PLGRKT: variants seen among roughly 807,000 people sequenced by gnomAD.
PLGRKT encodes the protein plasminogen receptor with a C-terminal lysine, also known as plasminogen receptor (KT).
A neutral mutation model predicts 18.5 loss-of-function variants in PLGRKT; 22 were observed. The ratio of observed to expected loss-of-function variants is 1.19; its 90% CI spans 0.85 to 1.70. PLGRKT has a LOEUF of 1.70. PLGRKT is among the 40% of genes most tolerant of loss of function. PLGRKT has a pLI of 0.00. For missense variants in PLGRKT, 235 were observed against 174.4 expected (o/e 1.35, Z -1.96); for synonymous variants, 72 against 52.8 (o/e 1.36, Z -1.58).
chr9:5,375,130 T>C (rs988075667), intron 3 of PLGRKT, among the ~76,000 whole-genome samples: 7 of 152,216 alleles, frequency 4.6e-5, no homozygotes, highest in African/African-American at 1.7e-4. Flanking sequence ...AATTCTATAC[T>C]ATAAAACTTT....
chr9:5,401,030 A>G (rs1818143991), intron 3 of PLGRKT, among the ~76,000 whole-genome samples: 1 of 151,922 alleles, frequency 6.6e-6, no homozygotes, highest in Non-Finnish European at 1.5e-5. Context: ...TAAAAATAAA[A>G]ACATAATATT....
chr9:5,403,439 G>C (rs1261685892), intron 3 of PLGRKT, among the ~76,000 whole-genome samples: 1 of 152,040 alleles, frequency 6.6e-6, no homozygotes, highest in African/African-American at 2.4e-5. Context: ...TAGCCAGGCT[G>C]GTCTCGAACT....
rs990096708 is a variant in PLGRKT at position 5,420,674 on chromosome 9, C to T, written c.81+11223G>A. ...TCTAGTCTCTGGGCCAACTCCCACT[C>T]ACTACCTGGTCTTTCTCCCTACAAA... On this transcript the variant is annotated intron_variant, in intron 3 of 5. Transcript: ENST00000223864. Among the ~76,000 whole-genome samples, 3 of 152,322 alleles carry T rather than the reference C, an allele frequency of 2.0e-5. No homozygotes were observed. In the East Asian group the frequency reaches 5.8e-4, roughly 29 times the overall value.
At chr9:5,424,438 A>AAAAATAT (rs1554634087) in intron 3 of PLGRKT, among the ~76,000 whole-genome samples, 1 of 118,858 alleles carries the variant, frequency 8.4e-6, no homozygotes, top group African/African-American at 3.3e-5. Context: ...ACATATTATA[A>AAAAATAT]AATATATTAT....
intron 3 of PLGRKT, among the ~76,000 whole-genome samples, chr9:5,387,486 A>G (rs146818225): frequency 5.3e-5 from 8 of 152,084 alleles, no homozygotes; most frequent in Non-Finnish European, 8.8e-5. Context: ...TATTACTTCT[A>G]CAAGCAACAA....
intron 4 of PLGRKT, among the ~76,000 whole-genome samples, 164 bp from the exon 5 acceptor site, chr9:5,361,351 A>G (rs1372738877): frequency 6.6e-6 from 1 of 152,184 alleles, no homozygotes; most frequent in Non-Finnish European, 1.5e-5. Context: ...TTCCTTACCC[A>G]ATACCCCTAA....
chr9:5,380,117 C>T (rs913532120), intron 3 of PLGRKT, among the ~76,000 whole-genome samples: 1 of 152,136 alleles, frequency 6.6e-6, no homozygotes, highest in Admixed American at 6.5e-5. Flanking sequence ...GTAATCCCCG[C>T]ACTTTGGGAG....
chr9:5,390,292 A>G (rs1388692768), intron 3 of PLGRKT, among the ~76,000 whole-genome samples: 1 of 151,376 alleles, frequency 6.6e-6, no homozygotes, highest in African/African-American at 2.4e-5. Flanking sequence ...GGCCTGAAAA[A>G]CCACAAAACT....
intron 2 of PLGRKT, among the ~76,000 whole-genome samples, chr9:5,434,500 G>C (rs1247893931): frequency 2.0e-5 from 3 of 149,290 alleles, no homozygotes; most frequent in African/African-American, 7.5e-5. Context: ...CGCCTGGGAA[G>C]TGAGGGGCAC....
chr9:5,405,244 T>A (rs1280679028), intron 3 of PLGRKT, among the ~76,000 whole-genome samples: 2 of 152,100 alleles, frequency 1.3e-5, no homozygotes, highest in Non-Finnish European at 2.9e-5. Context: ...CTTCACAGAA[T>A]TAGAAAAAAG....
At chr9:5,381,784 G>T in intron 3 of PLGRKT, 6 of 590,530 alleles carry the variant, frequency 1.0e-5, no homozygotes, top group Non-Finnish European at 1.3e-5. Flanking sequence ...TTTGGAAGTT[G>T]GTCTAGAAAC....
intron 3 of PLGRKT, among the ~76,000 whole-genome samples, chr9:5,381,556 T>C (rs1364384404): frequency 6.6e-6 from 1 of 152,268 alleles, no homozygotes; most frequent in Non-Finnish European, 1.5e-5. Context: ...AGGCAAAGTT[T>C]GCATTTACAA....
At chr9:5,372,238 C>CA (rs1369953441) in intron 3 of PLGRKT, among the ~76,000 whole-genome samples, 1 of 151,912 alleles carries the variant, frequency 6.6e-6, no homozygotes, top group East Asian at 1.9e-4. Flanking sequence ...CTCAGTCTCT[C>CA]AAAGAAAATT....
intron 5 of PLGRKT, among the ~76,000 whole-genome samples, chr9:5,359,107 G>A (rs895261543): frequency 4.7e-5 from 7 of 150,372 alleles, no homozygotes; most frequent in African/African-American, 1.7e-4. Flanking sequence ...CTGTCGCCTA[G>A]GCTGGAGTGC....
chr9:5,386,020 A>G (rs1292315884), intron 3 of PLGRKT, among the ~76,000 whole-genome samples: 1 of 151,818 alleles, frequency 6.6e-6, no homozygotes, highest in Non-Finnish European at 1.5e-5. Flanking sequence ...ATCCACTGCC[A>G]TATCTAGTAT....
chr9:5,369,196 G>C (rs992715334), intron 3 of PLGRKT, among the ~76,000 whole-genome samples: 1 of 152,152 alleles, frequency 6.6e-6, no homozygotes, highest in Admixed American at 6.5e-5. Flanking sequence ...GAAAATTTTT[G>C]CAATCTACTC....
At chr9:5,429,352 C>T (rs575385887) in intron 3 of PLGRKT, among the ~76,000 whole-genome samples, 1 of 152,214 alleles carries the variant, frequency 6.6e-6, no homozygotes, top group African/African-American at 2.4e-5. Flanking sequence ...CTGCTTGGCA[C>T]AGGCACCAAA....
intron 3 of PLGRKT, among the ~76,000 whole-genome samples, chr9:5,395,888 G>GTTTT (rs201547310): frequency 6.2e-5 from 8 of 129,780 alleles, no homozygotes; most frequent in Non-Finnish European, 8.0e-5. Flanking sequence ...TAACCTAACA[G>GTTTT]TTTTTTTTTT....
intron 3 of PLGRKT, among the ~76,000 whole-genome samples, chr9:5,408,113 T>C (rs1818290418): frequency 6.6e-6 from 1 of 152,230 alleles, no homozygotes; most frequent in South Asian, 2.1e-4. Flanking sequence ...TTAGATTATA[T>C]TTTGCTATAA....
Sources: gnomAD v4.1 joint callset for allele counts (sites outside exome capture counted in the v4.1 genomes callset) on GRCh38, gnomAD v4.1.1 for gene constraint, MANE v1.5 for transcripts, NCBI Gene and HGNC (gene_info 2026-07-23, HGNC 2026-07-21) for gene names.